PRKAR1B: variants seen among roughly 807,000 people sequenced by gnomAD.
The protein encoded by PRKAR1B is cAMP-dependent protein kinase type I-beta regulatory subunit.
Under a neutral mutation model 46.5 loss-of-function variants are expected in PRKAR1B, and 22 were observed. The ratio of observed to expected loss-of-function variants is 0.47; its 90% CI spans 0.34 to 0.68. PRKAR1B has a LOEUF of 0.68. Among genes scored for constraint, PRKAR1B ranks in the 30% least tolerant of loss-of-function variants. The pLI is 0.01. For synonymous variants in PRKAR1B, 259 were observed against 217.7 expected (o/e 1.19, Z -1.67); for missense variants, 445 against 535.6 (o/e 0.83, Z 1.67).
intron 4 of PRKAR1B, among the ~76,000 whole-genome samples, chr7:660,856 A>G: frequency 1.0e-5 from 1 of 95,986 alleles, no homozygotes; most frequent in Non-Finnish European, 2.0e-5. Flanking sequence ...CCAAATACCT[A>G]CTCTGCCCCC....
chr7:585,067 C>T (rs544418597), intron 7 of PRKAR1B, among the ~76,000 whole-genome samples: 2 of 152,292 alleles, frequency 1.3e-5, no homozygotes, highest in South Asian at 2.1e-4. Flanking sequence ...ACTTGACTTC[C>T]CTCAACCCTG....
chr7:666,409 G>A lies in PRKAR1B; in HGVS notation c.440+10820C>T, dbSNP rs1202579163. On this transcript the variant is annotated intron_variant, in intron 4 of 10. Transcript: ENST00000537384. This position sits in a 1 kb window ranked among gnomAD's most constrained non-coding sequence, Gnocchi z 4.9. The stretch of plus-strand genomic sequence containing the variant: ...TCCCTGGCCGAGGCGTAACTGCCCC[G>A]GGCACCCCAGGTAGGATGCGGAATC... Among the ~76,000 whole-genome samples, 1 of 152,226 alleles carries A rather than the reference G, an allele frequency of 6.6e-6. No individual in the cohort carries two copies. The highest frequency in any genetic ancestry group is 1.5e-5 in the Non-Finnish European group (1 of 68,008).
At chr7:636,898 G>A (rs1444400669) in intron 4 of PRKAR1B, among the ~76,000 whole-genome samples, 2 of 152,200 alleles carry the variant, frequency 1.3e-5, no homozygotes, top group East Asian at 1.9e-4. Flanking sequence ...CGCAAACCAC[G>A]GCGAGTGGGA....
rs1388583750 is a variant in PRKAR1B at position 644,494 on chromosome 7, T to C, written c.440+32735A>G. ...GGAGGGAAGCCCCACTCGGACGCCA[T>C]CCCGGGGTCCAGCATCCCTCCGAGG... On this transcript the variant is annotated intron_variant, in intron 4 of 10. Transcript: ENST00000537384. The surrounding 1 kb of genome is among the most constrained non-coding windows in gnomAD (Gnocchi z 4.9). Among the ~76,000 whole-genome samples the C allele has an allele frequency of 6.6e-6, 1 of 151,974 alleles. No homozygotes were observed. The highest frequency in any genetic ancestry group is 1.5e-5 in the Non-Finnish European group (1 of 67,946).
At chr7:719,197 A>C (rs1359482574) in intron 1 of PRKAR1B, among the ~76,000 whole-genome samples, 1 of 151,764 alleles carries the variant, frequency 6.6e-6, no homozygotes, top group Non-Finnish European at 1.5e-5. Context: ...CTGCCACCAC[A>C]CCCGACTAAT....
chr7:571,516 G>C (rs1177813993), intron 9 of PRKAR1B, among the ~76,000 whole-genome samples: 2 of 152,206 alleles, frequency 1.3e-5, no homozygotes, highest in Non-Finnish European at 2.9e-5. Flanking sequence ...TTGTTTCAAC[G>C]TTGTGGACAT....
chr7:657,820 CAAG>C (rs939796424), intron 4 of PRKAR1B, among the ~76,000 whole-genome samples: 5 of 152,124 alleles, frequency 3.3e-5, no homozygotes, highest in Admixed American at 6.6e-5. Context: ...GCTTGTAAAA[CAAG>C]AAGAAAATAA....
At chr7:570,906 G>C (rs149798643) in intron 9 of PRKAR1B, among the ~76,000 whole-genome samples, 1 of 151,652 alleles carries the variant, frequency 6.6e-6, no homozygotes, top group Admixed American at 6.6e-5. Flanking sequence ...TCTCTGTGTC[G>C]GGTCCTGCTT....
At chr7:709,844 G>A (rs1299399803) in intron 2 of PRKAR1B, among the ~76,000 whole-genome samples, 2 of 152,112 alleles carry the variant, frequency 1.3e-5, no homozygotes, top group Non-Finnish European at 2.9e-5. Context: ...CTTTTTAAAT[G>A]TTTTTGAGAG....
chr7:694,325 C>T (rs1254838631), intron 2 of PRKAR1B, among the ~76,000 whole-genome samples: 1 of 151,400 alleles, frequency 6.6e-6, no homozygotes, highest in Non-Finnish European at 1.5e-5. Flanking sequence ...TTGGGAATGG[C>T]CCACAGAGGG....
chr7:577,817 A>T (rs187179301), intron 9 of PRKAR1B, among the ~76,000 whole-genome samples: 3 of 152,304 alleles, frequency 2.0e-5, no homozygotes, highest in Admixed American at 2.0e-4. Flanking sequence ...GGCCAGCAGG[A>T]GGTGGAATGA....
chr7:643,850 T>A (rs184520377), intron 4 of PRKAR1B, among the ~76,000 whole-genome samples: 4 of 152,312 alleles, frequency 2.6e-5, no homozygotes, highest in South Asian at 2.1e-4. Context: ...CTTACACAGA[T>A]GCACAGGGTT....
At chr7:559,242 C>T (rs925269688) in intron 9 of PRKAR1B, among the ~76,000 whole-genome samples, 2 of 152,156 alleles carry the variant, frequency 1.3e-5, no homozygotes, top group East Asian at 1.9e-4. Context: ...GTTCAGGGGG[C>T]GGCCAGTGAA....
chr7:580,762 A>C (rs949690010), intron 8 of PRKAR1B, among the ~76,000 whole-genome samples: 1 of 149,322 alleles, frequency 6.7e-6, no homozygotes, highest in Non-Finnish European at 1.5e-5. Context: ...AAAAAAAAAA[A>C]ACAAACGTTT....
Position 583,830 on chromosome 7 carries a change from ACCC to A in PRKAR1B, c.769+675_769+677del, listed in dbSNP as rs533929912. Among the ~76,000 whole-genome samples, 22 of 149,602 alleles carry A rather than the reference ACCC, an allele frequency of 1.5e-4. No homozygotes were observed. In the East Asian group the frequency reaches 2.4e-3, roughly 16 times the overall value. On this transcript the variant is annotated intron_variant, in intron 8 of 10. Transcript: ENST00000537384. ...CACTCATGCACACACACGCACACAC[ACCC>A]CCATGTGCACACTCACCCCCACACA...
In PRKAR1B at chr7:707,642, T is replaced by C. The variant is rs189473438; in HGVS notation, c.177+3687A>G. On this transcript the variant is annotated intron_variant, in intron 2 of 10. Coordinates refer to ENST00000537384, the MANE Select transcript of PRKAR1B (RefSeq NM_001164760.2). ...GAGGTGAGGAAGTTACAAGAGGTCA[T>C]TGGGGTGGCCTTGGTCCAGGATGAC... 1.5e-3 allele frequency among the ~76,000 whole-genome samples: 232 copies of C among 152,290 alleles called. 1 individual carries two copies. Among genetic ancestry groups the C allele is most frequent in the Admixed American group, 7.9e-3 (121 of 15,290 alleles).
intron 1 of PRKAR1B, 41 bp downstream of exon 1, chr7:727,169 G>C: frequency 7.6e-7 from 1 of 1,318,570 alleles, no homozygotes; most frequent in Non-Finnish European, 9.7e-7. Context: ...CAGCTGCTGG[G>C]CCTGGCCGTG....
intron 4 of PRKAR1B, among the ~76,000 whole-genome samples, chr7:641,958 C>T (rs533748268): frequency 6.6e-6 from 1 of 152,116 alleles, no homozygotes; most frequent in Admixed American, 6.6e-5. Context: ...GATTAGGGCA[C>T]AGTGGCACAA....
intron 3 of PRKAR1B, among the ~76,000 whole-genome samples, chr7:679,694 A>G (rs910040426): frequency 3.8e-4 from 58 of 152,352 alleles, no homozygotes; most frequent in African/African-American, 1.4e-3. Flanking sequence ...GTGCACTCAG[A>G]AATGGCTAAC....
Sources: allele counts gnomAD v4.1 joint callset (sites outside exome capture counted in the v4.1 genomes callset), GRCh38; gene constraint gnomAD v4.1.1; non-coding constraint Gnocchi (gnomAD v3.1); transcripts MANE v1.5; gene names NCBI Gene and HGNC (gene_info 2026-07-23, HGNC 2026-07-21).